NUP210: variants seen among roughly 807,000 people sequenced by gnomAD.
NUP210 encodes nuclear pore membrane glycoprotein 210.
A neutral mutation model predicts 196.0 loss-of-function variants in NUP210; 151 were observed. The observed-to-expected ratio is 0.77, with a 90% CI of 0.67 to 0.88. NUP210 has a LOEUF of 0.88. NUP210 is among the 40% of genes least tolerant of loss of function. The pLI is 0.00. For missense variants in NUP210, 2,314 were observed against 2,493.7 expected (o/e 0.93, Z 1.53); for synonymous variants, 1,070 against 1,052.7 (o/e 1.02, Z -0.32).
intron 3 of NUP210, among the ~76,000 whole-genome samples, chr3:13,394,869 G>T (rs1442385390): frequency 6.6e-6 from 1 of 152,172 alleles, no homozygotes; most frequent in Non-Finnish European, 1.5e-5. Context: ...CAGAAAAGAG[G>T]TCACAGGCTC....
chr3:13,359,940 G>A (rs1576381457), intron 15 of NUP210, among the ~76,000 whole-genome samples: 1 of 152,228 alleles, frequency 6.6e-6, no homozygotes, highest in African/African-American at 2.4e-5. Context: ...TTACGACCCT[G>A]GAGACATTGG....
chr3:13,374,800 G>A (rs1698844884), intron 11 of NUP210, among the ~76,000 whole-genome samples: 1 of 152,300 alleles, frequency 6.6e-6, no homozygotes. Context: ...AAACCCAAGG[G>A]GCCAGGATGG....
chr3:13,396,760 C>CAA (rs71066951), intron 3 of NUP210, among the ~76,000 whole-genome samples: 35,091 of 61,770 alleles, frequency 0.57, 11,200 homozygotes, highest in African/African-American at 0.79. Flanking sequence ...GACTCTGTCT[C>CAA]AAAAAAAAAA....
At chr3:13,410,921 A>AAAT (rs538564508) in intron 1 of NUP210, among the ~76,000 whole-genome samples, 10 of 115,330 alleles carry the variant, frequency 8.7e-5, no homozygotes, top group African/African-American at 4.4e-4. Context: ...CTGTCTCAAA[A>AAAT]AAAAAAAAAA....
At chr3:13,403,495 C>T (rs1699906857) in intron 1 of NUP210, among the ~76,000 whole-genome samples, 2 of 152,210 alleles carry the variant, frequency 1.3e-5, no homozygotes, top group African/African-American at 4.8e-5. Context: ...CCTCAAATGC[C>T]ATCGCCTTGG....
chr3:13,343,096 G>T lies in NUP210; in HGVS notation c.2964+79C>A, dbSNP rs1045153239. On this transcript the variant is annotated intron_variant, in intron 21 of 39. Coordinates refer to ENST00000254508, the MANE Select transcript of NUP210 (RefSeq NM_024923.4). ...CAGGAGCAAAAGCAAAGGCCATGCG[G>T]AACATTCCTCCCACAGTCCCCTCCC... The T allele has an allele frequency of 3.2e-6, 5 of 1,557,634 alleles. No homozygotes were observed. The African/African-American group carries it at 6.8e-5, about 21-fold the overall frequency.
At chr3:13,395,403 C>T (rs1489284233) in intron 3 of NUP210, among the ~76,000 whole-genome samples, 10 of 152,294 alleles carry the variant, frequency 6.6e-5, no homozygotes, top group East Asian at 5.8e-4. Flanking sequence ...CTGCAGCCTC[C>T]GCCTCCTGGG....
At chr3:13,401,310 T>G (rs1039758626) in intron 1 of NUP210, among the ~76,000 whole-genome samples, 4 of 139,110 alleles carry the variant, frequency 2.9e-5, no homozygotes, top group Admixed American at 7.4e-5. Context: ...CCTAGGCAGA[T>G]GTCCCGCCTT....
intron 16 of NUP210, among the ~76,000 whole-genome samples, chr3:13,357,514 A>G (rs1033913479): frequency 6.6e-6 from 1 of 152,224 alleles, no homozygotes. Flanking sequence ...GACATGCTCC[A>G]TAAGTACATG....
At chr3:13,375,036 TA>T (rs1249272411) in intron 11 of NUP210, among the ~76,000 whole-genome samples, 1 of 152,200 alleles carries the variant, frequency 6.6e-6, no homozygotes, top group African/African-American at 2.4e-5. Flanking sequence ...ATGTTTTCTC[TA>T]AGGGTGTGTG....
At position 13,375,733 on chromosome 3, in the gene NUP210, C is replaced by T. The variant is rs1323887432; in HGVS notation, c.1294-92G>A. On this transcript the variant is annotated intron_variant, in intron 10 of 39. Coordinates refer to ENST00000254508, the MANE Select transcript of NUP210 (RefSeq NM_024923.4). The stretch of plus-strand genomic sequence containing the variant: ...CGGACCCCCACCCCTCCCTGGGGAT[C>T]GGGTCACAAAGGTGGATTTGGGGGA... 3.3e-5 allele frequency: 46 copies of T among 1,408,414 alleles called. No homozygotes were observed. In the South Asian group the frequency reaches 4.2e-4, roughly 13 times the overall value. The allele number at this position is 1,408,414 out of a possible 1,614,324, so 87.2% of individuals were successfully genotyped here.
At chr3:13,390,693 C>T (rs142161584) in intron 4 of NUP210, among the ~76,000 whole-genome samples, 121 of 152,354 alleles carry the variant, frequency 7.9e-4, no homozygotes, top group African/African-American at 2.7e-3. Context: ...CACAACTACT[C>T]GATGGAGAGC....
In NUP210 at chr3:13,376,334, C is replaced by T. The variant is rs372951448; in HGVS notation, c.1250G>A (p.Gly417Glu). 6.2e-7 allele frequency: 1 copy of T among 1,614,216 alleles called. No homozygotes were observed. The highest frequency in any genetic ancestry group is 8.5e-7 in the Non-Finnish European group (1 of 1,180,036). Residue 417 changes from glycine to glutamate, a missense_variant, in exon 10 of 40, where the codon GGA becomes GAA. Transcript: ENST00000254508. ...SYHRIRALKR[G>E]QTAIDAALTS... ...GAGGGCCGCGTCAATGGCCGTCTGTCCCCTCTTTAGTGCCCTGATGCGATG... is the reference window on the plus strand; with the variant it reads ...GAGGGCCGCGTCAATGGCCGTCTGTTCCCTCTTTAGTGCCCTGATGCGATG...
chr3:13,393,523 G>A (rs555874399), intron 3 of NUP210, among the ~76,000 whole-genome samples: 9 of 152,334 alleles, frequency 5.9e-5, no homozygotes, highest in East Asian at 3.9e-4. Context: ...GCAGGGCTCC[G>A]TGCAGATGAG....
chr3:13,337,356 A>G (rs900523571), intron 26 of NUP210, among the ~76,000 whole-genome samples: 3 of 152,174 alleles, frequency 2.0e-5, no homozygotes, highest in Non-Finnish European at 4.4e-5. Context: ...GCACAGGCGG[A>G]GGCAAGACGG....
intron 16 of NUP210, 56 bp downstream of exon 16, chr3:13,358,166 C>T: frequency 2.0e-6 from 3 of 1,515,062 alleles, no homozygotes; most frequent in Non-Finnish European, 2.7e-6. Flanking sequence ...CCACCAATGT[C>T]CTCCTGCCCA....
chr3:13,374,403 C>T (rs1698834042), intron 11 of NUP210, among the ~76,000 whole-genome samples: 1 of 152,196 alleles, frequency 6.6e-6, no homozygotes, highest in Admixed American at 6.5e-5. Context: ...CACACTCTCA[C>T]AGGCTCTAAA....
At chr3:13,382,648 A>C (rs1289263518) in intron 6 of NUP210, among the ~76,000 whole-genome samples, 1 of 152,246 alleles carries the variant, frequency 6.6e-6, no homozygotes, top group Non-Finnish European at 1.5e-5. Context: ...TAAAGAGTTA[A>C]TCTGCAGTTA....
In NUP210 at chr3:13,366,097, G is replaced by C; in HGVS notation, c.1787-6C>G. ...AGAGCCTGGCGGCAGCCTCCCTACA[G>C]AAAGGAGAGAACTAGATGGTCACCC... On this transcript the variant is annotated splice_polypyrimidine_tract_variant and splice_region_variant and intron_variant, in intron 13 of 39. Transcript: ENST00000254508. 1.9e-6 allele frequency: 3 copies of C among 1,612,784 alleles called. No individual in the cohort carries two copies. Among genetic ancestry groups the C allele is most frequent in the South Asian group, 2.2e-5 (2 of 91,042 alleles).
Sources: allele counts gnomAD v4.1 joint callset (sites outside exome capture counted in the v4.1 genomes callset), GRCh38; gene constraint gnomAD v4.1.1; transcripts MANE v1.5; gene names NCBI Gene and HGNC (gene_info 2026-07-23, HGNC 2026-07-21).